Variants in FLRT1 observed in about 807,000 individuals in gnomAD.
The protein encoded by FLRT1 is leucine-rich repeat transmembrane protein FLRT1.
A neutral mutation model predicts 30.9 loss-of-function variants in FLRT1; 14 were observed. The observed-to-expected ratio is 0.45, with a 90% CI of 0.30 to 0.71. FLRT1 has a LOEUF of 0.71. FLRT1 is among the 30% of genes least tolerant of loss of function. The pLI, the probability that FLRT1 is intolerant of heterozygous loss-of-function variation, is 0.08. For missense variants in FLRT1, 737 were observed against 949.2 expected, an observed-to-expected ratio of 0.78 and a Z score of 2.94; for synonymous variants, 368 against 430.4, an observed-to-expected ratio of 0.85 and a Z score of 1.80.
intron 1 of FLRT1, among the ~76,000 whole-genome samples, chr11:64,057,341 C>T (rs1295208062): frequency 1.3e-5 from 2 of 152,216 alleles, no homozygotes; most frequent in African/African-American, 4.8e-5. Context: ...CCTGTATGTG[C>T]ACAGCTCTTG....
At position 64,045,129 on chromosome 11, in the gene FLRT1, C is replaced by T. The variant is rs140404932; in HGVS notation, c.-1038+8970C>T. Among the ~76,000 whole-genome samples the T allele has an allele frequency of 1.3e-3, 192 of 152,050 alleles. 4 individuals are homozygous for T. The East Asian group carries it at 0.033, about 26-fold the overall frequency. On this transcript the variant is annotated intron_variant, in intron 1 of 2. Transcript: ENST00000682287. ...TGGTGGGTGGCATGTGCTTCTGCCTCGGCCGAGTGCTTTTCTGCAGCCCAG... is the reference window on the plus strand; with the variant it reads ...TGGTGGGTGGCATGTGCTTCTGCCTTGGCCGAGTGCTTTTCTGCAGCCCAG...
chr11:64,038,113 C>A (rs1045745270), intron 1 of FLRT1, among the ~76,000 whole-genome samples: 10 of 152,166 alleles, frequency 6.6e-5, no homozygotes, highest in African/African-American at 2.4e-4. Flanking sequence ...TCCCCATCTC[C>A]GAGGCCTCCC....
At chr11:64,068,758 A>G (rs1015080232) in intron 1 of FLRT1, among the ~76,000 whole-genome samples, 2 of 152,234 alleles carry the variant, frequency 1.3e-5, no homozygotes, top group African/African-American at 4.8e-5. Context: ...GGGAGCCCAG[A>G]TAATGGGCTC....
chr11:64,047,528 G>A (rs1943607539), intron 1 of FLRT1, among the ~76,000 whole-genome samples: 2 of 152,140 alleles, frequency 1.3e-5, no homozygotes, highest in African/African-American at 4.8e-5. Context: ...ATTCACAGAG[G>A]ATCACATTTA....
chr11:64,041,524 C>T (rs1188040140), intron 1 of FLRT1, among the ~76,000 whole-genome samples: 1 of 151,604 alleles, frequency 6.6e-6, no homozygotes, highest in African/African-American at 2.4e-5. Context: ...TGTTGGGGGA[C>T]ACCTGGCTGG....
chr11:64,041,988 TG>T (rs957894635), intron 1 of FLRT1, among the ~76,000 whole-genome samples: 7 of 152,176 alleles, frequency 4.6e-5, no homozygotes, highest in Admixed American at 2.0e-4. Context: ...TTGGGTTCAG[TG>T]GGGGGCAGTT....
At chr11:64,087,767 C>T (rs754659781) in intron 1 of FLRT1, among the ~76,000 whole-genome samples, 49 of 152,246 alleles carry the variant, frequency 3.2e-4, no homozygotes, top group Admixed American at 3.9e-4. Context: ...ACGCTGTGCA[C>T]GTCTGAATGA....
rs984111521 is a variant in FLRT1, at chr11:64,090,530, C to G, written c.-1037-12664C>G. On this transcript the variant is annotated intron_variant, in intron 1 of 2. Coordinates refer to ENST00000682287, the MANE Select transcript of FLRT1 (RefSeq NM_013280.5). This position sits in a 1 kb window ranked among gnomAD's most constrained non-coding sequence, Gnocchi z 4.7. ...TTGCTTCCCCGGGCCCTCCCTCGAC[C>G]GGCTCTGCCTGCTCACAGGTGGCTG... Among the ~76,000 whole-genome samples the G allele has an allele frequency of 6.6e-6, 1 of 152,082 alleles. No individual in the cohort carries two copies. The highest frequency in any genetic ancestry group is 1.5e-5 in the Non-Finnish European group (1 of 68,008).
At chr11:64,106,672 C>T (rs1448754551) in intron 2 of FLRT1, among the ~76,000 whole-genome samples, 1 of 152,190 alleles carries the variant, frequency 6.6e-6, no homozygotes, top group Admixed American at 6.5e-5. Flanking sequence ...ACTGGTCACA[C>T]TGCTCCTCTC....
At chr11:64,091,884 C>T (rs1017915662) in intron 1 of FLRT1, among the ~76,000 whole-genome samples, 2 of 152,194 alleles carry the variant, frequency 1.3e-5, no homozygotes, top group Non-Finnish European at 2.9e-5. Flanking sequence ...TGGGCCAATC[C>T]CACCATCTGG....
chr11:64,114,709 A>AGATGGATG (rs1565239653), intron 2 of FLRT1, among the ~76,000 whole-genome samples: 1 of 145,770 alleles, frequency 6.9e-6, no homozygotes, highest in Non-Finnish European at 1.5e-5. Flanking sequence ...ACTGATACAT[A>AGATGGATG]GATGGATGGA....
intron 1 of FLRT1, among the ~76,000 whole-genome samples, chr11:64,051,071 C>G (rs1017632035): frequency 6.6e-6 from 1 of 152,226 alleles, no homozygotes; most frequent in African/African-American, 2.4e-5. Flanking sequence ...TGTGCCCCAC[C>G]GATCTGGAGG....
chr11:64,069,853 CAG>C (rs1280924916), intron 1 of FLRT1, among the ~76,000 whole-genome samples: 1 of 152,194 alleles, frequency 6.6e-6, no homozygotes, highest in African/African-American at 2.4e-5. Flanking sequence ...GCAAATGGTT[CAG>C]AGAGAAAAAA....
Position 64,117,092 on chromosome 11 carries a change from C to G in FLRT1, c.825C>G (p.Leu275=). The change falls in exon 3 of 3, where the codon CTC becomes CTG. Residue 275 remains leucine, a synonymous_variant. Coordinates refer to ENST00000682287, the MANE Select transcript of FLRT1 (RefSeq NM_013280.5). ...TGCCCAGCGCCCACCTGCAGAAGCTCTACCTGCAGGACAATGCCATCAGCC... is the reference window on the plus strand; with the variant it reads ...TGCCCAGCGCCCACCTGCAGAAGCTGTACCTGCAGGACAATGCCATCAGCC... ...LNLPSAHLQK[L]YLQDNAISHI... is the part of the protein sequence containing the mutation. The G allele has an allele frequency of 6.2e-7, 1 of 1,604,628 alleles. No homozygotes were observed. The highest frequency in any genetic ancestry group is 2.3e-5 in the East Asian group (1 of 44,278).
At chr11:64,043,544 G>A (rs1312536085) in intron 1 of FLRT1, among the ~76,000 whole-genome samples, 1 of 152,202 alleles carries the variant, frequency 6.6e-6, no homozygotes, top group East Asian at 1.9e-4. Flanking sequence ...CAAGGGTTAG[G>A]AGGCAGCAGG....
At chr11:64,060,977 A>C in intron 1 of FLRT1, among the ~76,000 whole-genome samples, 1 of 151,654 alleles carries the variant, frequency 6.6e-6, no homozygotes, top group African/African-American at 2.4e-5. Flanking sequence ...CCGCCAGGCG[A>C]CCGGGCGGGC....
intron 2 of FLRT1, among the ~76,000 whole-genome samples, chr11:64,115,381 C>T (rs1590929856): frequency 6.9e-6 from 1 of 145,982 alleles, no homozygotes; most frequent in East Asian, 2.0e-4. Context: ...AAACAGACCA[C>T]TTTTTTTTTT....
At position 64,059,242 on chromosome 11, in the gene FLRT1, G is replaced by A. The variant is rs184200693; in HGVS notation, c.-1038+23083G>A. On this transcript the variant is annotated intron_variant, in intron 1 of 2. Coordinates refer to ENST00000682287, the MANE Select transcript of FLRT1 (RefSeq NM_013280.5). ...TGGCTCCAGATTCCTCTTGCCGAGCGGGGAAAGGGGAGAAGCAGGTGAGAG... is the reference window on the plus strand; with the variant it reads ...TGGCTCCAGATTCCTCTTGCCGAGCAGGGAAAGGGGAGAAGCAGGTGAGAG... Among the ~76,000 whole-genome samples the A allele has an allele frequency of 4.6e-5, 7 of 152,316 alleles. No homozygotes were observed. In the East Asian group the frequency reaches 1.2e-3, roughly 25 times the overall value.
rs1371996754 is a variant in FLRT1, at chr11:64,082,768, T to C, written c.-1037-20426T>C. Among the ~76,000 whole-genome samples the C allele has an allele frequency of 1.3e-5, 2 of 152,112 alleles. No individual in the cohort carries two copies. Among genetic ancestry groups the C allele is most frequent in the South Asian group, 2.1e-4 (1 of 4,826 alleles). ...GAGGGGATTCCTGGGCCTTGGCATTTGGGACCCCTGAAAGTCACCTGCTCC... is the reference window on the plus strand; with the variant it reads ...GAGGGGATTCCTGGGCCTTGGCATTCGGGACCCCTGAAAGTCACCTGCTCC... On this transcript the variant is annotated intron_variant, in intron 1 of 2. Coordinates refer to ENST00000682287, the MANE Select transcript of FLRT1 (RefSeq NM_013280.5). The surrounding 1 kb of genome is among the most constrained non-coding windows in gnomAD (Gnocchi z 4.5).
Sources: allele counts gnomAD v4.1 joint callset (sites outside exome capture counted in the v4.1 genomes callset), GRCh38; gene constraint gnomAD v4.1.1; non-coding constraint Gnocchi (gnomAD v3.1); transcripts MANE v1.5; gene names NCBI Gene and HGNC (gene_info 2026-07-23, HGNC 2026-07-21).